The following FZD7 variants were observed in gnomAD, a reference collection of about 807,000 sequenced individuals.
The protein encoded by FZD7 is frizzled class receptor 7.
A neutral mutation model predicts 39.0 loss-of-function variants in FZD7; 21 were observed. The ratio of observed to expected loss-of-function variants is 0.54; its 90% CI spans 0.38 to 0.78. The LOEUF is 0.78. FZD7 is among the 30% of genes least tolerant of loss of function. The pLI, the probability that FZD7 is intolerant of heterozygous loss-of-function variation, is 0.00. For synonymous variants in FZD7, 428 were observed against 364.9 expected (o/e 1.17, Z -1.97); for missense variants, 695 against 805.0 (o/e 0.86, Z 1.65).
Position 202,036,654 on chromosome 2 carries a change from C to T in FZD7, c.*282C>T. The T allele has an allele frequency of 4.4e-6, 2 of 452,234 alleles. No homozygotes were observed. The highest frequency in any genetic ancestry group is 4.3e-5 in the East Asian group (1 of 23,522). 28.0% of individuals were successfully genotyped at this position (452,234 alleles called of 1,614,324 possible). ...CGTCAAAGGTACGGGCCAGCTTGTG[C>T]CTAATAGAAGGTTGAGACCAGCAGA... On this transcript the variant is annotated 3_prime_UTR_variant, in exon 1 of 1. Coordinates refer to ENST00000286201, the MANE Select transcript of FZD7 (RefSeq NM_003507.2).
rs1156642785 is a variant in FZD7 at position 202,038,248 on chromosome 2, A to G, written c.*1876A>G. ...CAGGTTTTGGCATCTTTTGTGCTGT[A>G]TCTTTTAAGTGCATGTGAAATTTGT... On this transcript the variant is annotated 3_prime_UTR_variant, in exon 1 of 1. Coordinates refer to ENST00000286201, the MANE Select transcript of FZD7 (RefSeq NM_003507.2). 1.8e-4 allele frequency: 30 copies of G among 167,060 alleles called. No homozygotes were observed. The highest frequency in any genetic ancestry group is 1.6e-3 in the Admixed American group (25 of 15,282). 10.3% of individuals were successfully genotyped at this position (167,060 alleles called of 1,614,324 possible). A position where few individuals can be genotyped will look rare whatever the true frequency, so the allele number is the denominator to read the frequency against.
Position 202,036,405 on chromosome 2 carries a change from C to T in FZD7, c.*33C>T, listed in dbSNP as rs1559184913. ...CCCCTCCCCACCTTTCCCACCCCAG[C>T]CCTCTTGCAAGAGGAGAGGCACGGT... On this transcript the variant is annotated 3_prime_UTR_variant, in exon 1 of 1. Transcript: ENST00000286201. 1 of 1,540,460 alleles carries T rather than the reference C, an allele frequency of 6.5e-7. No homozygotes were observed. Among genetic ancestry groups the T allele is most frequent in the Non-Finnish European group, 8.9e-7 (1 of 1,128,334 alleles).
Position 202,034,872 on chromosome 2 carries a change from C to T in FZD7, c.225C>T (p.Asn75=). The T allele has an allele frequency of 6.2e-7, 1 of 1,614,208 alleles. No individual in the cohort carries two copies. The highest frequency in any genetic ancestry group is 8.5e-7 in the Non-Finnish European group (1 of 1,180,040). Residue 75 remains asparagine (N), a synonymous_variant, in exon 1 of 1, where the codon AAC becomes AAT. Transcript: ENST00000286201. Reference sequence around the variant, plus strand: ...TGCCCAACCTGCTGGGCCACACGAACCAAGAGGACGCGGGCCTCGAGGTGC... The same window carrying T: ...TGCCCAACCTGCTGGGCCACACGAATCAAGAGGACGCGGGCCTCGAGGTGC... ...TILPNLLGHT[N]QEDAGLEVHQ... is the part of the protein sequence containing the mutation.
At position 202,037,299 on chromosome 2, in the gene FZD7, A is replaced by C. The variant is rs1357772181; in HGVS notation, c.*927A>C. ...CTGTGGAAAGGCATAACTGTGACGA[A>C]AGCAACTTTTATAGGCAAAGCAGCG... On this transcript the variant is annotated 3_prime_UTR_variant, in exon 1 of 1. Coordinates refer to ENST00000286201, the MANE Select transcript of FZD7 (RefSeq NM_003507.2). 1 of 167,124 alleles carries C rather than the reference A, an allele frequency of 6.0e-6. No individual in the cohort carries two copies. Among genetic ancestry groups the C allele is most frequent in the Non-Finnish European group, 1.5e-5 (1 of 68,120 alleles). 10.4% of individuals were successfully genotyped at this position (167,124 alleles called of 1,614,324 possible).
In FZD7 at chr2:202,034,153, AGCCTCGAG is replaced by A. The variant is rs952365514; in HGVS notation, c.-491_-484del. Reference sequence around the variant, plus strand: ...AGGCGAAGGAGGCGGCGACGAGCGGAGCCTCGAGGCCAGGAGGCGGGGCAGCACCGCGG... The same window carrying A: ...AGGCGAAGGAGGCGGCGACGAGCGGAGCCAGGAGGCGGGGCAGCACCGCGG... On this transcript the variant is annotated 5_prime_UTR_variant, in exon 1 of 1. Coordinates refer to ENST00000286201, the MANE Select transcript of FZD7 (RefSeq NM_003507.2). Among the ~76,000 whole-genome samples the A allele has an allele frequency of 6.7e-5, 10 of 149,350 alleles. No homozygotes were observed. The highest frequency in any genetic ancestry group is 1.5e-4 in the Non-Finnish European group (10 of 67,436).
chr2:202,035,539 A>C lies in FZD7; in HGVS notation c.892A>C (p.Met298Leu). 1 of 1,614,102 alleles carries C rather than the reference A, an allele frequency of 6.2e-7. No individual in the cohort carries two copies. Among genetic ancestry groups the C allele is most frequent in the Non-Finnish European group, 8.5e-7 (1 of 1,180,018 alleles). ...PIIFLSGCYF[M>L]VAVAHVAGFL... ...CATCTTCCTGTCGGGCTGCTACTTC[A>C]TGGTGGCCGTGGCGCACGTGGCCGG... The change falls in exon 1 of 1, where the codon ATG becomes CTG. Residue 298 changes from methionine to leucine, a missense_variant. Coordinates refer to ENST00000286201, the MANE Select transcript of FZD7 (RefSeq NM_003507.2).
chr2:202,037,776 C>T lies in FZD7; in HGVS notation c.*1404C>T, dbSNP rs1420528358. The stretch of plus-strand genomic sequence containing the variant: ...CTGTGTGGTTGGGTTGGGAGGCGAT[C>T]AGCAGATACCATAGTGAACGAAGAG... On this transcript the variant is annotated 3_prime_UTR_variant, in exon 1 of 1. Coordinates refer to ENST00000286201, the MANE Select transcript of FZD7 (RefSeq NM_003507.2). 6.0e-6 allele frequency: 1 copy of T among 166,968 alleles called. No individual in the cohort carries two copies. The highest frequency in any genetic ancestry group is 1.5e-5 in the Non-Finnish European group (1 of 68,116). The allele number at this position is 166,968 out of a possible 1,614,324, so 10.3% of individuals were successfully genotyped here.
At position 202,037,918 on chromosome 2, in the gene FZD7, T is replaced by C. The variant is rs1688774509; in HGVS notation, c.*1546T>C. ...AAGACTTAAATTTATTAATCTTAAA[T>C]CATGTACTTTTTTTCTGTAATAGAA... On this transcript the variant is annotated 3_prime_UTR_variant, in exon 1 of 1. Transcript: ENST00000286201. The C allele has an allele frequency of 6.0e-6, 1 of 167,132 alleles. No homozygotes were observed. Among genetic ancestry groups the C allele is most frequent in the Admixed American group, 6.5e-5 (1 of 15,296 alleles). 10.4% of individuals were successfully genotyped at this position (167,132 alleles called of 1,614,324 possible). A position where few individuals can be genotyped will look rare whatever the true frequency, so the allele number is the denominator to read the frequency against.
In FZD7 at chr2:202,035,396, G is replaced by A. The variant is rs1688722165; in HGVS notation, c.749G>A (p.Arg250Lys). The A allele has an allele frequency of 1.2e-6, 2 of 1,613,580 alleles. No individual in the cohort carries two copies. The highest frequency in any genetic ancestry group is 1.7e-6 in the Non-Finnish European group (2 of 1,179,984). ...NGLMYFKEEERRFARLWVGVW... is the reference protein window; with the variant it reads ...NGLMYFKEEEKRFARLWVGVW... ...CTGATGTACTTTAAGGAGGAGGAGAGGCGCTTCGCCCGCCTCTGGGTGGGC... is the reference window on the plus strand; with the variant it reads ...CTGATGTACTTTAAGGAGGAGGAGAAGCGCTTCGCCCGCCTCTGGGTGGGC... Residue 250 changes from arginine (R) to lysine (K), a missense_variant, in exon 1 of 1, where the codon AGG (arginine) becomes AAG (lysine). Coordinates refer to ENST00000286201, the MANE Select transcript of FZD7 (RefSeq NM_003507.2).
rs1688703521 is a variant in FZD7 at position 202,034,498 on chromosome 2, G to A, written c.-150G>A. 2.0e-6 allele frequency: 1 copy of A among 509,848 alleles called. No homozygotes were observed. Among genetic ancestry groups the A allele is most frequent in the South Asian group, 8.6e-5 (1 of 11,636 alleles). The allele number at this position is 509,848 out of a possible 1,614,324, so 31.6% of individuals were successfully genotyped here. ...GCGGCGCGGGCACCCAGGCGGCAGC[G>A]CCCTTTGCTCCACGCCGCCCACGGC... is the stretch of plus-strand genomic sequence containing the variant. On this transcript the variant is annotated 5_prime_UTR_variant, in exon 1 of 1. Transcript: ENST00000286201.
rs182584874 is a variant in FZD7, at chr2:202,034,983, G to A, written c.336G>A (p.Val112=). Residue 112 remains valine, a synonymous_variant, in exon 1 of 1, where the codon GTG becomes GTA. Transcript: ENST00000286201. Reference sequence around the variant, plus strand: ...CCATGTATGCGCCCGTGTGCACCGTGCTCGATCAGGCCATCCCGCCGTGTC... The same window carrying A: ...CCATGTATGCGCCCGTGTGCACCGTACTCGATCAGGCCATCCCGCCGTGTC... The part of the protein sequence containing the change: ...LCSMYAPVCT[V]LDQAIPPCRS... 12 of 1,613,866 alleles carry A rather than the reference G, an allele frequency of 7.4e-6. No homozygotes were observed. In the African/African-American group the frequency reaches 1.5e-4, roughly 20 times the overall value.
Position 202,035,180 on chromosome 2 carries a change from C to G in FZD7, c.533C>G (p.Ala178Gly). 6.2e-7 allele frequency: 1 copy of G among 1,600,578 alleles called. No individual in the cohort carries two copies. Among genetic ancestry groups the G allele is most frequent in the Non-Finnish European group, 8.5e-7 (1 of 1,179,324 alleles). The change falls in exon 1 of 1, where the codon GCC (alanine) becomes GGC (glycine). Residue 178 changes from alanine to glycine, a missense_variant. Physicochemically the swap from Ala to Gly is moderately conservative, Grantham distance 60. Coordinates refer to ENST00000286201, the MANE Select transcript of FZD7 (RefSeq NM_003507.2). ...GGGGGCCCAGGCGGCGGCCCCACTG[C>G]CTACCCTACCGCGCCCTACCTGCCG... ...GSGGPGGGPT[A>G]YPTAPYLPDL...
chr2:202,034,740 G>A lies in FZD7; in HGVS notation c.93G>A (p.Gly31=). ...TGGGCGCACTGTCCGCGGGCGCCGG[G>A]GCGCAGCCGTACCACGGAGAGAAGG... ...ALLGALSAGA[G]AQPYHGEKGI... Residue 31 remains glycine (G), a synonymous_variant, in exon 1 of 1, where the codon GGG becomes GGA. Transcript: ENST00000286201. 6.2e-7 allele frequency: 1 copy of A among 1,612,126 alleles called. No homozygotes were observed. The highest frequency in any genetic ancestry group is 8.5e-7 in the Non-Finnish European group (1 of 1,179,930).
At position 202,035,859 on chromosome 2, in the gene FZD7, G is replaced by C; in HGVS notation, c.1212G>C (p.Gly404=). The change falls in exon 1 of 1, where the codon GGG becomes GGC. Residue 404 remains glycine, a synonymous_variant. Coordinates refer to ENST00000286201, the MANE Select transcript of FZD7 (RefSeq NM_003507.2). ...ITILAMGQVD[G]DLLSGVCYVG... Reference sequence around the variant, plus strand: ...TCCTGGCCATGGGCCAGGTAGACGGGGACCTGCTGAGCGGGGTGTGCTACG... The same window carrying C: ...TCCTGGCCATGGGCCAGGTAGACGGCGACCTGCTGAGCGGGGTGTGCTACG... 6.2e-7 allele frequency: 1 copy of C among 1,614,142 alleles called. No individual in the cohort carries two copies. The highest frequency in any genetic ancestry group is 1.3e-5 in the African/African-American group (1 of 75,064).
rs1432033079 is a variant in FZD7 at position 202,034,827 on chromosome 2, C to G, written c.180C>G (p.Ile60Met). The change falls in exon 1 of 1, where the codon ATC (isoleucine) becomes ATG (methionine). Residue 60 changes from isoleucine to methionine, a missense_variant. Ile to Met is a conservative substitution (Grantham distance 10). Coordinates refer to ENST00000286201, the MANE Select transcript of FZD7 (RefSeq NM_003507.2). ...TCTCCATCCCGCTGTGCACGGACAT[C>G]GCCTACAACCAGACCATCCTGCCCA... ...QPISIPLCTD[I>M]AYNQTILPNL... is the part of the protein sequence containing the mutation. The G allele has an allele frequency of 6.2e-7, 1 of 1,613,952 alleles. No individual in the cohort carries two copies. Among genetic ancestry groups the G allele is most frequent in the Non-Finnish European group, 8.5e-7 (1 of 1,180,026 alleles).
chr2:202,034,491 C>G lies in FZD7; in HGVS notation c.-157C>G. On this transcript the variant is annotated 5_prime_UTR_variant, in exon 1 of 1. Transcript: ENST00000286201. ...CGCCTTCGCGGCGCGGGCACCCAGG[C>G]GGCAGCGCCCTTTGCTCCACGCCGC... 2.1e-6 allele frequency: 1 copy of G among 467,200 alleles called. No individual in the cohort carries two copies. The allele number at this position is 467,200 out of a possible 1,614,324, so 28.9% of individuals were successfully genotyped here.
rs1475507176 is a variant in FZD7, at chr2:202,035,808, C to T, written c.1161C>T (p.Ala387=). ...NSQYFHLAAW[A]VPAVKTITIL... ...AGTACTTCCACCTGGCCGCGTGGGCCGTGCCCGCCGTCAAGACCATCACTA... is the reference window on the plus strand; with the variant it reads ...AGTACTTCCACCTGGCCGCGTGGGCTGTGCCCGCCGTCAAGACCATCACTA... The change falls in exon 1 of 1, where the codon GCC becomes GCT. Residue 387 remains alanine, a synonymous_variant. Transcript: ENST00000286201. The T allele has an allele frequency of 3.1e-6, 5 of 1,614,076 alleles. No homozygotes were observed. Among genetic ancestry groups the T allele is most frequent in the Non-Finnish European group, 3.4e-6 (4 of 1,180,024 alleles).
In FZD7 at chr2:202,035,130, G is replaced by A. The variant is rs1047701545; in HGVS notation, c.483G>A (p.Val161=). Residue 161 remains valine, a synonymous_variant, in exon 1 of 1, where the codon GTG becomes GTA. Coordinates refer to ENST00000286201, the MANE Select transcript of FZD7 (RefSeq NM_003507.2). ...TGCACGGTGCGGGCGAGATCTGCGT[G>A]GGCCAGAACACGTCGGACGGCTCCG... ...FPVHGAGEIC[V]GQNTSDGSGG... is the part of the protein sequence containing the mutation. The A allele has an allele frequency of 6.2e-7, 1 of 1,605,680 alleles. No individual in the cohort carries two copies. Among genetic ancestry groups the A allele is most frequent in the Admixed American group, 1.7e-5 (1 of 59,966 alleles).
chr2:202,035,576 A>G lies in FZD7; in HGVS notation c.929A>G (p.Glu310Gly), dbSNP rs201306518. 545 of 1,613,982 alleles carry G rather than the reference A, an allele frequency of 3.4e-4. 9 individuals are homozygous for G. The East Asian group carries it at 0.012, about 35-fold the overall frequency. The change falls in exon 1 of 1, where the codon GAG (glutamate) becomes GGG (glycine). Residue 310 changes from glutamate (E) to glycine (G), a missense_variant. By Grantham distance (98) the Glu-to-Gly change is moderately conservative. Transcript: ENST00000286201. ...AVAHVAGFLL[E>G]DRAVCVERFS... ...GCGCACGTGGCCGGCTTCCTTCTAG[A>G]GGACCGCGCCGTGTGCGTGGAGCGC...
Sources: allele counts gnomAD v4.1 joint callset (sites outside exome capture counted in the v4.1 genomes callset), GRCh38; gene constraint gnomAD v4.1.1; transcripts MANE v1.5; gene names NCBI Gene and HGNC (gene_info 2026-07-23, HGNC 2026-07-21).